The following BCKDHB variants were observed in gnomAD, a reference collection of about 807,000 sequenced individuals.
The protein encoded by BCKDHB is branched chain keto acid dehydrogenase E1 subunit beta, also known as 2-oxoisovalerate dehydrogenase subunit beta, mitochondrial.
Under a neutral mutation model 48.5 loss-of-function variants are expected in BCKDHB, and 41 were observed. The observed-to-expected ratio is 0.85, with a 90% confidence interval of 0.66 to 1.10. The LOEUF is 1.10. Among genes scored for constraint, BCKDHB ranks in the 50% least tolerant of loss-of-function variants. The pLI, the probability that BCKDHB is intolerant of heterozygous loss-of-function variation, is 0.00. For missense variants in BCKDHB, 496 were observed against 494.2 expected, an observed-to-expected ratio of 1.00 and a Z score of -0.03; for synonymous variants, 201 against 174.8, an observed-to-expected ratio of 1.15 and a Z score of -1.18.
At chr6:80,272,273 T>C (rs1777778532) in intron 8 of BCKDHB, among the ~76,000 whole-genome samples, 1 of 152,176 alleles carries the variant, frequency 6.6e-6, no homozygotes, top group Non-Finnish European at 1.5e-5. Flanking sequence ...ATATTTTTGC[T>C]TGAAAGATTT....
intron 9 of BCKDHB, among the ~76,000 whole-genome samples, chr6:80,326,772 C>A (rs1190368038): frequency 2.6e-5 from 4 of 151,926 alleles, no homozygotes; most frequent in Non-Finnish European, 4.4e-5. Context: ...TCTGTAATCC[C>A]AGAGAATTGC....
intron 9 of BCKDHB, among the ~76,000 whole-genome samples, chr6:80,338,358 G>A (rs1769703729): frequency 6.6e-6 from 1 of 152,116 alleles, no homozygotes; most frequent in Non-Finnish European, 1.5e-5. Context: ...GTGGGAAATA[G>A]GCACCTTGTG....
intron 8 of BCKDHB, among the ~76,000 whole-genome samples, chr6:80,213,737 A>G (rs1238756276): frequency 6.8e-6 from 1 of 147,692 alleles, no homozygotes; most frequent in East Asian, 2.0e-4. Context: ...TGTTCCCTCC[A>G]TTTTTCTCTC....
At chr6:80,171,089 T>C (rs142146820) in intron 5 of BCKDHB, among the ~76,000 whole-genome samples, 193 bp from the exon 6 acceptor site, 40 of 152,230 alleles carry the variant, frequency 2.6e-4, no homozygotes, top group Admixed American at 7.2e-4. Context: ...CTGATAAATA[T>C]CTGTTGAATA....
Position 80,254,358 on chromosome 6 carries a change from A to C in BCKDHB, c.952-18777A>C, listed in dbSNP as rs866360441. On this transcript the variant is annotated intron_variant, in intron 8 of 9. Coordinates refer to ENST00000320393, the MANE Select transcript of BCKDHB (RefSeq NM_183050.4). ...ATTCTATATTATGAAGTGTGATTGT[A>C]ATGTGAGTGATTTTTAAAGTTGTCT... 2.1e-4 allele frequency among the ~76,000 whole-genome samples: 32 copies of C among 152,156 alleles called. No homozygotes were observed. The Middle Eastern group carries it at 0.017, about 81-fold the overall frequency.
intron 9 of BCKDHB, among the ~76,000 whole-genome samples, chr6:80,277,177 A>G (rs767096173): frequency 9.2e-5 from 14 of 152,096 alleles, no homozygotes; most frequent in African/African-American, 3.1e-4. Flanking sequence ...CAATGACTAT[A>G]GAGTTTAGAT....
the BCKDHB span, among the ~76,000 whole-genome samples, chr6:80,384,032 T>C: frequency 2.0e-5 from 2 of 98,016 alleles, no homozygotes; most frequent in African/African-American, 3.2e-5. Context: ...ATAGTTTTTT[T>C]CCCCCAGGAA....
intron 6 of BCKDHB, among the ~76,000 whole-genome samples, chr6:80,192,139 T>A (rs568981061): frequency 6.4e-4 from 97 of 152,330 alleles, no homozygotes; most frequent in African/African-American, 2.3e-3. Context: ...GTCTTTTTTC[T>A]TTCAATAAGA....
the BCKDHB span, among the ~76,000 whole-genome samples, chr6:80,381,987 A>G: frequency 1.3e-5 from 2 of 152,126 alleles, no homozygotes; most frequent in Admixed American, 6.6e-5. Context: ...ATTAAATACA[A>G]TGTAATTTCT....
intron 3 of BCKDHB, among the ~76,000 whole-genome samples, chr6:80,138,788 C>T (rs1476895516): frequency 6.6e-6 from 1 of 152,170 alleles, no homozygotes; most frequent in African/African-American, 2.4e-5. Context: ...TTTATAGCAG[C>T]ATGATTTATA....
intron 9 of BCKDHB, among the ~76,000 whole-genome samples, chr6:80,285,927 A>G (rs1766604784): frequency 6.6e-6 from 1 of 152,034 alleles, no homozygotes; most frequent in Non-Finnish European, 1.5e-5. Flanking sequence ...CTGTCAGTAT[A>G]AGGGATAAGT....
At chr6:80,237,967 A>T (rs765296645) in intron 8 of BCKDHB, among the ~76,000 whole-genome samples, 1 of 152,212 alleles carries the variant, frequency 6.6e-6, no homozygotes, top group Non-Finnish European at 1.5e-5. Context: ...TGTCTAGTTG[A>T]AATGTGTTAT....
chr6:80,458,766 TATATTC>T, the BCKDHB span, among the ~76,000 whole-genome samples: 1 of 152,202 alleles, frequency 6.6e-6, no homozygotes, highest in Admixed American at 6.5e-5. Flanking sequence ...GACTGAGACT[TATATTC>T]ATATATTAAT....
the BCKDHB span, among the ~76,000 whole-genome samples, chr6:80,407,058 T>C: frequency 7.2e-5 from 11 of 152,206 alleles, no homozygotes; most frequent in African/African-American, 2.4e-4. Context: ...GGATCTAGTT[T>C]TAGCTTTCTA....
At chr6:80,253,597 A>G (rs1037555540) in intron 8 of BCKDHB, among the ~76,000 whole-genome samples, 2 of 152,190 alleles carry the variant, frequency 1.3e-5, no homozygotes, top group African/African-American at 4.8e-5. Context: ...AAAATTACGT[A>G]AAGGAGAAGA....
the BCKDHB span, among the ~76,000 whole-genome samples, chr6:80,351,488 T>C: frequency 1.3e-5 from 2 of 152,110 alleles, no homozygotes; most frequent in African/African-American, 4.8e-5. Context: ...TGTCCCCTTT[T>C]TTCAGTGGTT....
downstream of BCKDHB, among the ~76,000 whole-genome samples, chr6:80,351,078 T>C (rs992903086): frequency 1.3e-5 from 2 of 152,248 alleles, no homozygotes; most frequent in East Asian, 3.8e-4. Flanking sequence ...AATGATATTA[T>C]GTACATTTAA....
At chr6:80,360,482 A>G in the BCKDHB span, among the ~76,000 whole-genome samples, 4 of 152,230 alleles carry the variant, frequency 2.6e-5, no homozygotes, top group African/African-American at 9.6e-5. Flanking sequence ...GATGGAAGAA[A>G]ATAAGTGATA....
intron 8 of BCKDHB, among the ~76,000 whole-genome samples, chr6:80,256,172 A>G (rs1025096141): frequency 2.6e-5 from 4 of 152,198 alleles, no homozygotes; most frequent in Non-Finnish European, 1.5e-5. Flanking sequence ...TGTCACATTT[A>G]TATGTATTGG....
Sources: gnomAD v4.1 joint callset for allele counts (sites outside exome capture counted in the v4.1 genomes callset) on GRCh38, gnomAD v4.1.1 for gene constraint, MANE v1.5 for transcripts, NCBI Gene and HGNC (gene_info 2026-07-23, HGNC 2026-07-21) for gene names.